OPCML: variants seen among roughly 807,000 people sequenced by gnomAD.
OPCML encodes the protein opioid-binding protein/cell adhesion molecule.
A neutral mutation model predicts 37.8 loss-of-function variants in OPCML; 13 were observed. That is an observed-to-expected ratio of 0.34 (90% confidence interval 0.22 to 0.55). The LOEUF is 0.55. Among genes scored for constraint, OPCML ranks in the 20% least tolerant of loss-of-function variants. The pLI is 0.91. For missense variants in OPCML, 341 were observed against 435.6 expected, an observed-to-expected ratio of 0.78 and a Z score of 1.93; for synonymous variants, 176 against 168.8, an observed-to-expected ratio of 1.04 and a Z score of -0.33.
At chr11:133,160,263 A>G (rs1291862232) in intron 1 of OPCML, among the ~76,000 whole-genome samples, 1 of 152,236 alleles carries the variant, frequency 6.6e-6, no homozygotes, top group Non-Finnish European at 1.5e-5. Context: ...CCATTCCCAC[A>G]GCCTTGGTGC....
At chr11:133,509,792 T>C (rs1347170482) in intron 1 of OPCML, among the ~76,000 whole-genome samples, 1 of 152,214 alleles carries the variant, frequency 6.6e-6, no homozygotes. Flanking sequence ...ACTCATTTAC[T>C]CTATGAGTAC....
At chr11:132,848,869 C>T (rs573896197) in intron 2 of OPCML, among the ~76,000 whole-genome samples, 19 of 152,192 alleles carry the variant, frequency 1.2e-4, no homozygotes, top group African/African-American at 4.3e-4. Flanking sequence ...TTGTGAAAAT[C>T]GTATTAGATC....
rs117057997 is a variant in OPCML at position 133,108,827 on chromosome 11, A to G, written c.62-165817T>C. Among the ~76,000 whole-genome samples, 68 of 152,270 alleles carry G rather than the reference A, an allele frequency of 4.5e-4. 1 individual carries two copies. In the East Asian group the frequency reaches 0.012, roughly 28 times the overall value. ...GGTGATAAAAAAAAATGTGAAATAC[A>G]TAATGAAACATATTTTACTAACCAC... On this transcript the variant is annotated intron_variant, in intron 1 of 7. Coordinates refer to ENST00000524381, the MANE Select transcript of OPCML (RefSeq NM_001012393.5).
At chr11:133,261,799 T>C (rs1274451800) in intron 1 of OPCML, among the ~76,000 whole-genome samples, 2 of 152,224 alleles carry the variant, frequency 1.3e-5, no homozygotes, top group Non-Finnish European at 2.9e-5. Flanking sequence ...CCTTCTTCTG[T>C]GAGCGGCACC....
chr11:133,178,086 C>G (rs975880657), intron 1 of OPCML, among the ~76,000 whole-genome samples: 1 of 152,192 alleles, frequency 6.6e-6, no homozygotes, highest in African/African-American at 2.4e-5. Context: ...TGAGCAGATT[C>G]ATGAGTGCTC....
At chr11:132,802,860 C>A (rs542145499) in intron 2 of OPCML, among the ~76,000 whole-genome samples, 24 of 152,232 alleles carry the variant, frequency 1.6e-4, no homozygotes, top group African/African-American at 5.3e-4. Flanking sequence ...AGAAAGGGGT[C>A]TTTGAAGCAA....
At chr11:132,425,817 C>A (rs923964479) in intron 7 of OPCML, among the ~76,000 whole-genome samples, 3 of 152,198 alleles carry the variant, frequency 2.0e-5, no homozygotes, top group Non-Finnish European at 4.4e-5. Context: ...TAATGAATGG[C>A]AGCTATTCTG....
intron 1 of OPCML, among the ~76,000 whole-genome samples, chr11:133,242,581 C>T (rs918488282): frequency 2.0e-5 from 3 of 152,132 alleles, no homozygotes; most frequent in Non-Finnish European, 4.4e-5. Flanking sequence ...TCCTTGCCCT[C>T]ATAAGGGCAC....
intron 3 of OPCML, among the ~76,000 whole-genome samples, chr11:132,622,091 C>T (rs1183409687): frequency 2.0e-5 from 3 of 151,916 alleles, no homozygotes; most frequent in Non-Finnish European, 4.4e-5. Context: ...AAATGAATCA[C>T]ACAGACTGCT....
intron 1 of OPCML, chr11:133,420,198 T>A: frequency 2.1e-6 from 2 of 953,082 alleles, no homozygotes. Context: ...CAAGTACTTT[T>A]TTTTTTTCCT....
At chr11:132,568,211 A>G (rs2096428994) in intron 3 of OPCML, among the ~76,000 whole-genome samples, 1 of 152,246 alleles carries the variant, frequency 6.6e-6, no homozygotes. Context: ...CCAGAAGCTT[A>G]TCCTAAGGAA....
chr11:132,825,426 C>G (rs997864762), intron 2 of OPCML, among the ~76,000 whole-genome samples: 1 of 152,196 alleles, frequency 6.6e-6, no homozygotes, highest in African/African-American at 2.4e-5. Context: ...TTAAATCCCA[C>G]CTCCTCCATT....
chr11:133,422,584 T>A, intron 1 of OPCML: 1 of 955,972 alleles, frequency 1.0e-6, no homozygotes, highest in Non-Finnish European at 1.2e-6. Flanking sequence ...CTCAAACTCC[T>A]GGGCTCAAGC....
At chr11:132,719,427 A>G (rs1944603257) in intron 2 of OPCML, among the ~76,000 whole-genome samples, 1 of 152,160 alleles carries the variant, frequency 6.6e-6, no homozygotes, top group Non-Finnish European at 1.5e-5. Context: ...TGCTCCAGAC[A>G]TGGGGGAGGG....
intron 3 of OPCML, among the ~76,000 whole-genome samples, chr11:132,641,149 G>A (rs889687935): frequency 1.3e-5 from 2 of 152,146 alleles, no homozygotes; most frequent in Non-Finnish European, 2.9e-5. Flanking sequence ...TATCTCAGAG[G>A]CACTAAGGCT....
At chr11:133,328,020 A>G (rs1044959386) in intron 1 of OPCML, among the ~76,000 whole-genome samples, 3 of 152,186 alleles carry the variant, frequency 2.0e-5, no homozygotes, top group South Asian at 4.1e-4. Flanking sequence ...CTTAACTCCT[A>G]TGCTTACTAA....
intron 4 of OPCML, among the ~76,000 whole-genome samples, chr11:132,441,692 G>A (rs2096036134): frequency 6.6e-6 from 1 of 152,232 alleles, no homozygotes; most frequent in Non-Finnish European, 1.5e-5. Context: ...TGTAAAAACT[G>A]AGGCTGTTTC....
At chr11:133,207,905 C>T (rs959863799) in intron 1 of OPCML, among the ~76,000 whole-genome samples, 3 of 133,814 alleles carry the variant, frequency 2.2e-5, no homozygotes, top group Non-Finnish European at 4.4e-5. Flanking sequence ...CTGTAACACG[C>T]TCTGTTTTAC....
At chr11:132,920,392 C>A (rs933857851) in intron 2 of OPCML, among the ~76,000 whole-genome samples, 1 of 152,186 alleles carries the variant, frequency 6.6e-6, no homozygotes, top group Non-Finnish European at 1.5e-5. Context: ...GTGGAGAGAA[C>A]GTTGGCTCTA....
Sources: allele counts gnomAD v4.1 joint callset (sites outside exome capture counted in the v4.1 genomes callset), GRCh38; gene constraint gnomAD v4.1.1; transcripts MANE v1.5; gene names NCBI Gene and HGNC (gene_info 2026-07-23, HGNC 2026-07-21).